NEBL: variants seen among roughly 807,000 people sequenced by gnomAD.
NEBL encodes LIM and SH3 protein 2.
A neutral mutation model predicts 140.2 loss-of-function variants in NEBL; 122 were observed. The observed-to-expected ratio is 0.87, with a 90% CI of 0.75 to 1.01. The LOEUF (loss-of-function observed/expected upper bound fraction) is 1.01, where lower values mean the gene tolerates loss of function less well. NEBL is among the 50% of genes least tolerant of loss of function. NEBL has a pLI of 0.00. For missense variants in NEBL, 1,365 were observed against 1,231.3 expected (o/e 1.11, Z -1.62); for synonymous variants, 436 against 398.9 (o/e 1.09, Z -1.11).
At chr10:20,790,882 AT>A (rs1835895315) in intron 26 of NEBL, among the ~76,000 whole-genome samples, 1 of 152,178 alleles carries the variant, frequency 6.6e-6, no homozygotes, top group African/African-American at 2.4e-5. Context: ...GAATCAAAGG[AT>A]TTTTAAAAAG....
intron 4 of NEBL, among the ~76,000 whole-genome samples, chr10:20,915,361 C>A (rs1029102678): frequency 6.0e-5 from 9 of 150,722 alleles, no homozygotes; most frequent in Non-Finnish European, 1.3e-4. Flanking sequence ...CCCACTAACT[C>A]AGCATCTAGC....
intron 2 of NEBL, among the ~76,000 whole-genome samples, chr10:21,065,689 T>C (rs921266365): frequency 1.3e-5 from 2 of 152,230 alleles, no homozygotes; most frequent in Admixed American, 1.3e-4. Context: ...TGTATGAGGA[T>C]TGCCCCTTCG....
At chr10:21,055,042 G>T (rs1834948816) in intron 2 of NEBL, among the ~76,000 whole-genome samples, 1 of 152,218 alleles carries the variant, frequency 6.6e-6, no homozygotes, top group African/African-American at 2.4e-5. Context: ...CCCTGAAGAA[G>T]AAAATGTATC....
chr10:20,922,421 A>T (rs1481177372), intron 4 of NEBL, among the ~76,000 whole-genome samples: 1 of 152,238 alleles, frequency 6.6e-6, no homozygotes, highest in Non-Finnish European at 1.5e-5. Context: ...ATAAATTCAT[A>T]GAGTGTCACT....
At chr10:21,174,145 C>T in exon 1 of NEBL, 2 of 563,246 alleles carry the variant, frequency 3.6e-6, no homozygotes, top group Non-Finnish European at 2.3e-6. Context: ...GCCCGCCCCT[C>T]GCGCTCACTC....
intron 3 of NEBL, among the ~76,000 whole-genome samples, chr10:20,974,887 T>C (rs973451836): frequency 6.6e-6 from 1 of 152,266 alleles, no homozygotes; most frequent in East Asian, 1.9e-4. Context: ...TTCAAGAAAA[T>C]CCCAAACTTT....
At position 20,996,685 on chromosome 10, in the gene NEBL, G is replaced by A. The variant is rs116188549; in HGVS notation, c.249+23432C>T. Among the ~76,000 whole-genome samples the A allele has an allele frequency of 4.8e-3, 737 of 152,286 alleles. 6 individuals are homozygous for A. The highest frequency in any genetic ancestry group is 0.017 in the African/African-American group (710 of 41,548). On this transcript the variant is annotated intron_variant, in intron 3 of 6. Transcript: ENST00000417816. ...TTCTCAGGGGGCTAGACTGTAATGT[G>A]AAGCTATTAAACTGCAAAAGTTACC...
At chr10:20,951,573 T>C (rs992965981) in intron 4 of NEBL, among the ~76,000 whole-genome samples, 1 of 152,144 alleles carries the variant, frequency 6.6e-6, no homozygotes, top group Non-Finnish European at 1.5e-5. Context: ...TTGAATTAAA[T>C]CTCTATACAA....
upstream of NEBL, chr10:21,175,000 T>C (rs1172595951): frequency 1.3e-5 from 2 of 152,132 alleles, no homozygotes; most frequent in Non-Finnish European, 2.9e-5. Context: ...TCACCTGCAT[T>C]AAGGAAAGCA....
chr10:21,090,938 T>C (rs1266126394), intron 2 of NEBL, among the ~76,000 whole-genome samples: 1 of 152,144 alleles, frequency 6.6e-6, no homozygotes, highest in Admixed American at 6.6e-5. Context: ...ACCAAGGTCA[T>C]TATTCTATAC....
At chr10:20,938,973 G>A (rs1322570118) in intron 4 of NEBL, among the ~76,000 whole-genome samples, 1 of 152,202 alleles carries the variant, frequency 6.6e-6, no homozygotes, top group Non-Finnish European at 1.5e-5. Context: ...TGGTGTACCT[G>A]AAAGTGATGG....
At chr10:20,972,563 T>G (rs1369275950) in intron 3 of NEBL, among the ~76,000 whole-genome samples, 1 of 152,004 alleles carries the variant, frequency 6.6e-6, no homozygotes, top group East Asian at 1.9e-4. Context: ...GCCAACATGG[T>G]GAAACCCTGT....
At chr10:20,992,052 T>A (rs1376219327) in intron 3 of NEBL, among the ~76,000 whole-genome samples, 1 of 152,214 alleles carries the variant, frequency 6.6e-6, no homozygotes, top group Admixed American at 6.5e-5. Flanking sequence ...GTCTTTGCCA[T>A]TGGGAATGGT....
intron 3 of NEBL, among the ~76,000 whole-genome samples, chr10:20,994,885 G>A (rs541043142): frequency 5.2e-5 from 7 of 134,448 alleles, no homozygotes; most frequent in African/African-American, 1.6e-4. Flanking sequence ...AGGAGGTAGA[G>A]GGGGGGGTTG....
At chr10:20,808,742 A>G in intron 25 of NEBL, 83 bp from the exon 26 acceptor site, 1 of 1,424,734 alleles carries the variant, frequency 7.0e-7, no homozygotes. Flanking sequence ...AAAGCTTAAC[A>G]GAGAAGAAAA....
chr10:21,177,171 G>A (rs1333495683), upstream of NEBL, among the ~76,000 whole-genome samples: 3 of 152,214 alleles, frequency 2.0e-5, no homozygotes, highest in East Asian at 1.9e-4. Flanking sequence ...GACATATGTC[G>A]TATCTGAGCA....
At chr10:20,953,879 G>A (rs371108601) in intron 4 of NEBL, among the ~76,000 whole-genome samples, 3 of 151,840 alleles carry the variant, frequency 2.0e-5, no homozygotes, top group East Asian at 1.9e-4. Context: ...TATTGAGTAC[G>A]TGCTCTGTAC....
At chr10:20,950,676 A>C (rs1835414144) in intron 4 of NEBL, among the ~76,000 whole-genome samples, 1 of 152,174 alleles carries the variant, frequency 6.6e-6, no homozygotes, top group Non-Finnish European at 1.5e-5. Context: ...TCTGTCTTAT[A>C]CTTTACAGTC....
intron 2 of NEBL, among the ~76,000 whole-genome samples, chr10:21,097,565 G>A (rs895945605): frequency 2.0e-5 from 3 of 152,154 alleles, no homozygotes; most frequent in Admixed American, 2.0e-4. Context: ...GAGTCATTTT[G>A]TATATTGCCA....
Sources: allele counts gnomAD v4.1 joint callset (sites outside exome capture counted in the v4.1 genomes callset), GRCh38; gene constraint gnomAD v4.1.1; transcripts MANE v1.5; gene names NCBI Gene and HGNC (gene_info 2026-07-23, HGNC 2026-07-21).